RBM25: variants seen among roughly 807,000 people sequenced by gnomAD.
The protein encoded by RBM25 is RNA binding motif protein 25.
A neutral mutation model predicts 120.7 loss-of-function variants in RBM25; 19 were observed. The ratio of observed to expected loss-of-function variants is 0.16; its 90% CI spans 0.11 to 0.23. RBM25 has a LOEUF of 0.23. RBM25 is among the 10% of genes least tolerant of loss of function. The probability of loss-of-function intolerance (pLI) is 1.00; values close to 1 mark genes in which losing one functional copy is unlikely to be tolerated. For missense variants in RBM25, 605 were observed against 1,041.5 expected, an observed-to-expected ratio of 0.58 and a Z score of 5.77; for synonymous variants, 390 against 326.7, an observed-to-expected ratio of 1.19 and a Z score of -2.09.
At chr14:73,064,408 G>C (rs902356616) in intron 1 of RBM25, among the ~76,000 whole-genome samples, 1 of 151,112 alleles carries the variant, frequency 6.6e-6, no homozygotes, top group East Asian at 1.9e-4. Context: ...TTTTATTTTT[G>C]TTTTGAAATG....
chr14:73,091,584 A>G lies in RBM25; in HGVS notation c.543+3423A>G, dbSNP rs576337842. Reference sequence around the variant, plus strand: ...GATCTGTTGGTCTTCAGGAAAAGCAATATGTGTCTGGATGTGGTGGCTCAC... The same window carrying G: ...GATCTGTTGGTCTTCAGGAAAAGCAGTATGTGTCTGGATGTGGTGGCTCAC... On this transcript the variant is annotated intron_variant, in intron 6 of 18. Coordinates refer to ENST00000261973, the MANE Select transcript of RBM25 (RefSeq NM_021239.3). Among the ~76,000 whole-genome samples the G allele has an allele frequency of 1.0e-3, 159 of 152,188 alleles. 1 individual carries two copies. Among genetic ancestry groups the G allele is most frequent in the Non-Finnish European group, 1.7e-3 (117 of 68,024 alleles).
chr14:73,068,387 ATTTTT>A (rs34314453), intron 1 of RBM25: 14 of 476,912 alleles, frequency 2.9e-5, no homozygotes, highest in East Asian at 8.6e-5. Context: ...CTTGTATTTG[ATTTTT>A]TTTTTTTTTT....
At chr14:73,105,790 C>G (rs1164268330) in intron 10 of RBM25, 69 bp from the exon 11 acceptor site, 6 of 1,568,424 alleles carry the variant, frequency 3.8e-6, no homozygotes, top group Non-Finnish European at 5.2e-6. Flanking sequence ...TGTATGTTGT[C>G]CTCCTTTACT....
intron 6 of RBM25, among the ~76,000 whole-genome samples, chr14:73,092,969 CT>C (rs1395368420): frequency 6.6e-6 from 1 of 152,162 alleles, no homozygotes; most frequent in Non-Finnish European, 1.5e-5. Flanking sequence ...GCAGGTGTAA[CT>C]TTTTTTCTTT....
intron 7 of RBM25, among the ~76,000 whole-genome samples, chr14:73,098,877 C>T (rs1049922432): frequency 3.3e-5 from 5 of 152,072 alleles, no homozygotes; most frequent in African/African-American, 9.7e-5. Flanking sequence ...CTGCTGACCT[C>T]GTGATCCGCG....
chr14:73,072,425 T>C (rs976041905), intron 2 of RBM25, among the ~76,000 whole-genome samples: 1 of 152,204 alleles, frequency 6.6e-6, no homozygotes, highest in Non-Finnish European at 1.5e-5. Flanking sequence ...ATAAGGTTAT[T>C]AGTTTTTTCT....
In RBM25 at chr14:73,119,900, C is replaced by A; in HGVS notation, c.*95C>A. 6.8e-7 allele frequency: 1 copy of A among 1,461,544 alleles called. No individual in the cohort carries two copies. Among genetic ancestry groups the A allele is most frequent in the Non-Finnish European group, 9.0e-7 (1 of 1,112,824 alleles). 90.5% of individuals were successfully genotyped at this position (1,461,544 alleles called of 1,614,324 possible). On this transcript the variant is annotated 3_prime_UTR_variant, in exon 19 of 19. Transcript: ENST00000261973. ...TTTGTCTTTGAAGACATTGTGAGAT[C>A]TGTAATTTTTTTTTTTTGTAGAAAA...
chr14:73,060,192 C>G (rs1298891645), intron 1 of RBM25, among the ~76,000 whole-genome samples: 1 of 151,496 alleles, frequency 6.6e-6, no homozygotes, highest in African/African-American at 2.4e-5. Flanking sequence ...GCGCGCGCCA[C>G]CACGCCCGGC....
intron 4 of RBM25, among the ~76,000 whole-genome samples, chr14:73,080,213 C>CTTTTTTTTTTTTTTTTTTTTTT (rs766461418): frequency 1.5e-5 from 1 of 67,196 alleles, no homozygotes; most frequent in African/African-American, 6.3e-5. Context: ...TCTTACACAT[C>CTTTTTTTTTTTTTTTTTTTTTT]TTTTTTTTTT....
chr14:73,096,489 A>G (rs905837105), intron 6 of RBM25, among the ~76,000 whole-genome samples: 1 of 152,212 alleles, frequency 6.6e-6, no homozygotes, highest in Non-Finnish European at 1.5e-5. Flanking sequence ...TTTAATCTAC[A>G]TACAATTTTG....
intron 1 of RBM25, among the ~76,000 whole-genome samples, chr14:73,059,626 T>A (rs1046966564): frequency 6.6e-6 from 1 of 152,184 alleles, no homozygotes; most frequent in African/African-American, 2.4e-5. Context: ...ACTCTGTGTA[T>A]TAGGCCGTGG....
chr14:73,109,556 G>A (rs1042274526), intron 14 of RBM25, 64 bp downstream of exon 14: 17 of 1,469,948 alleles, frequency 1.2e-5, no homozygotes, highest in Non-Finnish European at 1.5e-5. Context: ...CTCTTTGGGA[G>A]GCCGAGGCGG....
intron 9 of RBM25, chr14:73,101,604 A>G (rs1160354584): frequency 1.3e-5 from 2 of 151,750 alleles, no homozygotes; most frequent in Non-Finnish European, 2.9e-5. Context: ...CTTAGAACCA[A>G]ACTTTTGAAA....
chr14:73,102,469 TA>T (rs1224088698), intron 9 of RBM25: 1 of 152,266 alleles, frequency 6.6e-6, no homozygotes, highest in Non-Finnish European at 1.5e-5. Flanking sequence ...TTTATCATTG[TA>T]AATATATTTT....
At position 73,123,194 on chromosome 14, in the gene RBM25, A is replaced by G. The variant is rs1483266639; in HGVS notation, c.*3389A>G. 1 of 151,990 alleles carries G rather than the reference A, an allele frequency of 6.6e-6. No individual in the cohort carries two copies. Among genetic ancestry groups the G allele is most frequent in the Admixed American group, 6.6e-5 (1 of 15,218 alleles). 9.4% of individuals were successfully genotyped at this position (151,990 alleles called of 1,614,324 possible). Reference sequence around the variant, plus strand: ...TGTTTCAGGTATTAATCTGCCATGAATACTAGATATAGTAGAAAAACTGAG... The same window carrying G: ...TGTTTCAGGTATTAATCTGCCATGAGTACTAGATATAGTAGAAAAACTGAG... On this transcript the variant is annotated 3_prime_UTR_variant, in exon 19 of 19. Transcript: ENST00000261973.
chr14:73,073,283 A>G (rs1895337179), intron 2 of RBM25, among the ~76,000 whole-genome samples: 1 of 152,146 alleles, frequency 6.6e-6, no homozygotes, highest in Non-Finnish European at 1.5e-5. Flanking sequence ...TTACTGCCAC[A>G]GGCTCAGCTT....
chr14:73,081,450 C>CT (rs1895561872), intron 4 of RBM25, among the ~76,000 whole-genome samples: 1 of 152,160 alleles, frequency 6.6e-6, no homozygotes, highest in Admixed American at 6.6e-5. Context: ...TGTCAGGTCC[C>CT]TTTGTTCGTC....
At chr14:73,096,833 A>G in intron 6 of RBM25, 82 bp from the exon 7 acceptor site, 7 of 1,207,000 alleles carry the variant, frequency 5.8e-6, no homozygotes, top group Non-Finnish European at 8.3e-6. Flanking sequence ...GAAAACATGT[A>G]TGTTTATTAA....
At chr14:73,109,675 C>T (rs996377997) in intron 14 of RBM25, among the ~76,000 whole-genome samples, 183 bp downstream of exon 14, 1 of 151,776 alleles carries the variant, frequency 6.6e-6, no homozygotes, top group African/African-American at 2.4e-5. Context: ...CGCCTGTAGT[C>T]CCAGCTACTC....
Sources: allele counts gnomAD v4.1 joint callset (sites outside exome capture counted in the v4.1 genomes callset), GRCh38; gene constraint gnomAD v4.1.1; transcripts MANE v1.5; gene names NCBI Gene and HGNC (gene_info 2026-07-23, HGNC 2026-07-21).